TNFRSF10A: variants seen among roughly 807,000 people sequenced by gnomAD.
TNFRSF10A encodes tumor necrosis factor receptor superfamily member 10A.
In TNFRSF10A, 44 loss-of-function variants were observed where a neutral mutation model predicts 42.8. The ratio of observed to expected loss-of-function variants is 1.03; its 90% confidence interval spans 0.81 to 1.32. TNFRSF10A has a LOEUF of 1.32. TNFRSF10A is among the 40% of genes most tolerant of loss of function. The pLI, the probability that TNFRSF10A is intolerant of heterozygous loss-of-function variation, is 0.00. For missense variants in TNFRSF10A, 680 were observed against 602.0 expected, an observed-to-expected ratio of 1.13 and a Z score of -1.36; for synonymous variants, 259 against 234.2, an observed-to-expected ratio of 1.11 and a Z score of -0.97.
At chr8:23,196,514 C>A (rs1167127344) in intron 9 of TNFRSF10A, among the ~76,000 whole-genome samples, 1 of 152,022 alleles carries the variant, frequency 6.6e-6, no homozygotes, top group African/African-American at 2.4e-5. Flanking sequence ...TACATTTTAT[C>A]CCTACTATAT....
At position 23,199,568 on chromosome 8, in the gene TNFRSF10A, T is replaced by G. The variant is rs985983083; in HGVS notation, c.832-120A>C. The G allele has an allele frequency of 5.6e-6, 7 of 1,251,580 alleles. No individual in the cohort carries two copies. In the African/African-American group the frequency reaches 7.5e-5, roughly 13 times the overall value. The allele number at this position is 1,251,580 out of a possible 1,614,324, so 77.5% of individuals were successfully genotyped here. ...CAGTGAGGTCACTCCAGGAAGTCCATGCTCAGCACATCCAGGACCTGCTGC... is the reference window on the plus strand; with the variant it reads ...CAGTGAGGTCACTCCAGGAAGTCCAGGCTCAGCACATCCAGGACCTGCTGC... On this transcript the variant is annotated intron_variant, in intron 7 of 9. Transcript: ENST00000221132.
chr8:23,203,291 TGGTCAGTAGAAGGTACAAACAG>T (rs1173609837), intron 2 of TNFRSF10A, among the ~76,000 whole-genome samples: 1 of 152,134 alleles, frequency 6.6e-6, no homozygotes, highest in Non-Finnish European at 1.5e-5. Flanking sequence ...AGTGAGCTCT[TGGTCAGTAGAAGGTACAAACAG>T]GCGCAGAAAC....
intron 2 of TNFRSF10A, among the ~76,000 whole-genome samples, chr8:23,208,802 C>A (rs958112362): frequency 6.6e-6 from 1 of 152,164 alleles, no homozygotes; most frequent in Non-Finnish European, 1.5e-5. Flanking sequence ...TTTGGAAAAT[C>A]TGCAACCTGA....
intron 1 of TNFRSF10A, chr8:23,224,511 C>G: frequency 1.8e-6 from 1 of 541,798 alleles, no homozygotes; most frequent in South Asian, 2.1e-5. Context: ...CAGCAGCCAA[C>G]GGGGTGGAGT....
chr8:23,195,859 C>G, intron 9 of TNFRSF10A, among the ~76,000 whole-genome samples: 1 of 152,146 alleles, frequency 6.6e-6, no homozygotes. Flanking sequence ...CCCTCCTCAA[C>G]CATGAAGCAG....
chr8:23,197,379 G>A, intron 8 of TNFRSF10A, 175 bp from the exon 9 acceptor site: 1 of 672,122 alleles, frequency 1.5e-6, no homozygotes, highest in Admixed American at 2.5e-5. Flanking sequence ...CCCCATTGCT[G>A]GCATTACCAC....
intron 7 of TNFRSF10A, 92 bp downstream of exon 7, chr8:23,199,794 G>C: frequency 6.4e-7 from 1 of 1,570,516 alleles, no homozygotes; most frequent in Non-Finnish European, 8.8e-7. Flanking sequence ...GCAGCCATGA[G>C]AGCACGGGGA....
intron 2 of TNFRSF10A, among the ~76,000 whole-genome samples, chr8:23,208,395 C>T (rs1801047450): frequency 6.6e-6 from 1 of 152,156 alleles, no homozygotes; most frequent in Admixed American, 6.6e-5. Context: ...TTGTTTTTAA[C>T]CAATGTTGCA....
intron 1 of TNFRSF10A, among the ~76,000 whole-genome samples, chr8:23,223,872 G>T (rs1056971821): frequency 8.5e-5 from 13 of 152,226 alleles, no homozygotes; most frequent in African/African-American, 3.1e-4. Flanking sequence ...CTGCCTCGTG[G>T]TGGTCAATTC....
chr8:23,220,109 C>T (rs1237631819), intron 1 of TNFRSF10A, among the ~76,000 whole-genome samples: 2 of 152,228 alleles, frequency 1.3e-5, no homozygotes, highest in Admixed American at 6.5e-5. Context: ...CAGACCCTTT[C>T]TCCTTTCCCC....
intron 9 of TNFRSF10A, among the ~76,000 whole-genome samples, chr8:23,196,691 G>A (rs1563377231): frequency 2.0e-5 from 3 of 152,142 alleles, no homozygotes; most frequent in South Asian, 2.1e-4. Flanking sequence ...CTGGTGTTTC[G>A]GTAACAAAAT....
intron 3 of TNFRSF10A, 78 bp from the exon 4 acceptor site, chr8:23,201,997 TC>T: frequency 2.3e-6 from 3 of 1,282,224 alleles, no homozygotes; most frequent in Non-Finnish European, 3.3e-6. Flanking sequence ...CCCAACTCCC[TC>T]CCCCTCAGCT....
intron 1 of TNFRSF10A, 46 bp downstream of exon 1, chr8:23,224,710 G>C (rs774520135): frequency 2.1e-5 from 32 of 1,532,972 alleles, no homozygotes; most frequent in Non-Finnish European, 2.8e-5. Context: ...CCCCCTCCCG[G>C]TGCCAGGCGC....
chr8:23,195,669 A>T (rs918177669), intron 9 of TNFRSF10A, among the ~76,000 whole-genome samples: 1 of 152,214 alleles, frequency 6.6e-6, no homozygotes, highest in Non-Finnish European at 1.5e-5. Context: ...CAGGCCACGT[A>T]TATGGAACTA....
At position 23,199,933 on chromosome 8, in the gene TNFRSF10A, G is replaced by C. The variant is rs768012733; in HGVS notation, c.800-16C>G. 12 of 1,613,962 alleles carry C rather than the reference G, an allele frequency of 7.4e-6. 1 individual carries two copies. The South Asian group carries it at 1.3e-4, about 18-fold the overall frequency. The stretch of plus-strand genomic sequence containing the variant: ...CCTCCACAACCTAGAAGAGAAGACG[G>C]TTCCCTTAGTGGCCAGGGAGGGGCC... On this transcript the variant is annotated splice_polypyrimidine_tract_variant and intron_variant, in intron 6 of 9. Coordinates refer to ENST00000221132, the MANE Select transcript of TNFRSF10A (RefSeq NM_003844.4).
intron 2 of TNFRSF10A, among the ~76,000 whole-genome samples, chr8:23,203,922 G>C (rs1213405707): frequency 6.6e-6 from 1 of 152,024 alleles, no homozygotes; most frequent in Non-Finnish European, 1.5e-5. Flanking sequence ...GACTACAGGA[G>C]CGTGCCACCA....
chr8:23,220,912 C>T (rs1026949291), intron 1 of TNFRSF10A, among the ~76,000 whole-genome samples: 4 of 152,344 alleles, frequency 2.6e-5, no homozygotes, highest in African/African-American at 4.8e-5. Flanking sequence ...GCTCACTCTT[C>T]AAACTGCAAC....
At chr8:23,207,469 T>C in intron 2 of TNFRSF10A, 1 of 404,878 alleles carries the variant, frequency 2.5e-6, no homozygotes, top group Admixed American at 3.2e-5. Context: ...TACCAACCAT[T>C]TCAAGAAGAA....
chr8:23,203,781 C>CT (rs373965763), intron 2 of TNFRSF10A, among the ~76,000 whole-genome samples: 21,456 of 136,480 alleles, frequency 0.16, 1,761 homozygotes, highest in Middle Eastern at 0.3. Context: ...ATAATAAAGG[C>CT]TTTTTTTTTT....
Sources: gnomAD v4.1 joint callset for allele counts (sites outside exome capture counted in the v4.1 genomes callset) on GRCh38, gnomAD v4.1.1 for gene constraint, MANE v1.5 for transcripts, NCBI Gene and HGNC (gene_info 2026-07-23, HGNC 2026-07-21) for gene names.